The following RMP24 variants were observed in gnomAD, a reference collection of about 807,000 sequenced individuals.
The protein encoded by RMP24 is ribonuclease MRP subunit p24, also known as ribonuclease MRP protein subunit p24.
chr18:35,976,798 T>C, the RMP24 span, among the ~76,000 whole-genome samples: 1 of 152,158 alleles, frequency 6.6e-6, no homozygotes, highest in Non-Finnish European at 1.5e-5. Context: ...TGTTAAAGAG[T>C]ATTATCTCCC....
chr18:35,977,503 A>T, the RMP24 span: 2 of 1,613,928 alleles, frequency 1.2e-6, no homozygotes, highest in Non-Finnish European at 1.7e-6. Flanking sequence ...TGCCACTCCT[A>T]CAAGTAAACT....
chr18:35,979,007 G>C, the RMP24 span: 96 of 1,568,496 alleles, frequency 6.1e-5, 1 homozygote, highest in Admixed American at 2.0e-3. Context: ...TTTAAAATAA[G>C]AAATGCCTGA....
the RMP24 span, chr18:35,978,867 G>A: frequency 2.5e-6 from 4 of 1,610,942 alleles, no homozygotes; most frequent in Non-Finnish European, 3.4e-6. Context: ...GTATCTACTT[G>A]CTCCTCAAAG....
the RMP24 span, chr18:35,978,721 G>A: frequency 5.4e-6 from 5 of 922,440 alleles, no homozygotes; most frequent in African/African-American, 8.6e-5. Flanking sequence ...ACAGGGATTT[G>A]TCAAATGATA....
the RMP24 span, chr18:35,979,166 C>A: frequency 4.7e-6 from 3 of 640,118 alleles, no homozygotes; most frequent in South Asian, 6.8e-5. Flanking sequence ...ATACCTGAAA[C>A]CTGCCTACCT....
the RMP24 span, chr18:35,977,702 C>T: frequency 7.9e-7 from 1 of 1,262,152 alleles, no homozygotes; most frequent in East Asian, 2.4e-5. Flanking sequence ...CATTTCAGGA[C>T]TTGGCCATTT....
At chr18:35,972,915 G>C in the RMP24 span, 1 of 1,614,154 alleles carries the variant, frequency 6.2e-7, no homozygotes, top group Non-Finnish European at 8.5e-7. Flanking sequence ...ACGGTAAGAA[G>C]AACGCCTGTC....
chr18:35,973,846 C>T, the RMP24 span: 39,583 of 152,200 alleles, frequency 0.26, 5,474 homozygotes, highest in African/African-American at 0.36. Context: ...CTCTTGAACC[C>T]GGGAGGTGGA....
At chr18:35,973,569 C>T in the RMP24 span, 1 of 152,466 alleles carries the variant, frequency 6.6e-6, no homozygotes, top group Non-Finnish European at 1.5e-5. Context: ...TTCTTGACTC[C>T]CTAACTCTCT....
chr18:35,974,978 C>T, the RMP24 span: 1 of 1,614,094 alleles, frequency 6.2e-7, no homozygotes, highest in East Asian at 2.2e-5. Flanking sequence ...GTCTCAAACC[C>T]AAAGCCAGGT....
the RMP24 span, chr18:35,972,918 C>CAG: frequency 2.2e-5 from 36 of 1,614,064 alleles, no homozygotes; most frequent in African/African-American, 4.5e-4. Flanking sequence ...GTAAGAAGAA[C>CAG]GCCTGTCTCT....
At chr18:35,979,122 C>T in the RMP24 span, 1 of 1,059,766 alleles carries the variant, frequency 9.4e-7, no homozygotes, top group Non-Finnish European at 1.3e-6. Flanking sequence ...TGGCATCCTT[C>T]AGTGTTTATG....
At chr18:35,972,696 T>A in the RMP24 span, 4 of 1,582,588 alleles carry the variant, frequency 2.5e-6, no homozygotes, top group African/African-American at 5.4e-5. Flanking sequence ...CTCACCTGGT[T>A]CCCGCGGCGA....
chr18:35,974,755 T>C, the RMP24 span: 1 of 773,252 alleles, frequency 1.3e-6, no homozygotes, highest in Non-Finnish European at 2.0e-6. Context: ...ATTTATCTTT[T>C]TGTAAATTTT....
the RMP24 span, chr18:35,977,473 TCAA>T: frequency 4.3e-6 from 7 of 1,613,966 alleles, no homozygotes; most frequent in Non-Finnish European, 5.9e-6. Context: ...AAGCTTTGTG[TCAA>T]CATTGAAGAG....
the RMP24 span, chr18:35,977,413 A>C: frequency 6.2e-7 from 1 of 1,603,754 alleles, no homozygotes; most frequent in East Asian, 2.2e-5. Context: ...ATGGTAGTTG[A>C]TCACTTGTAA....
the RMP24 span, chr18:35,977,723 C>T: frequency 1.1e-6 from 1 of 945,066 alleles, no homozygotes; most frequent in African/African-American, 1.7e-5. Flanking sequence ...TTCCTCCATA[C>T]CCTTTTCTAA....
At chr18:35,976,860 T>C in the RMP24 span, among the ~76,000 whole-genome samples, 9 of 152,362 alleles carry the variant, frequency 5.9e-5, no homozygotes, top group African/African-American at 1.9e-4. Flanking sequence ...AAAGTAGAGT[T>C]CATTATCTTT....
At chr18:35,972,828 G>C in the RMP24 span, 1 of 1,614,136 alleles carries the variant, frequency 6.2e-7, no homozygotes, top group East Asian at 2.2e-5. Flanking sequence ...GAGGGGAAGC[G>C]GGAGGCGAGC....
Sources: gnomAD v4.1 joint callset for allele counts (sites outside exome capture counted in the v4.1 genomes callset) on GRCh38, gnomAD v4.1.1 for gene constraint, MANE v1.5 for transcripts, NCBI Gene and HGNC (gene_info 2026-07-23, HGNC 2026-07-21) for gene names.